TBPL1: variants seen among roughly 807,000 people sequenced by gnomAD.
The protein encoded by TBPL1 is TATA box-binding protein-like 1.
A neutral mutation model predicts 22.1 loss-of-function variants in TBPL1; 4 were observed. The observed-to-expected ratio is 0.18, with a 90% CI of 0.09 to 0.41. The LOEUF (loss-of-function observed/expected upper bound fraction) is 0.41. TBPL1 is among the 10% of genes least tolerant of loss of function. TBPL1 has a pLI of 1.00. For synonymous variants in TBPL1, 64 were observed against 71.0 expected, an observed-to-expected ratio of 0.90 and a Z score of 0.50; for missense variants, 115 against 222.3, an observed-to-expected ratio of 0.52 and a Z score of 3.07.
At chr6:133,968,208 C>T (rs1004175012) in intron 1 of TBPL1, among the ~76,000 whole-genome samples, 3 of 151,926 alleles carry the variant, frequency 2.0e-5, no homozygotes, top group African/African-American at 4.8e-5. Context: ...AGGATGATCT[C>T]GATCTCTTGA....
In TBPL1 at chr6:133,983,668, A is replaced by G. The variant is rs575735390; in HGVS notation, c.283-708A>G. On this transcript the variant is annotated intron_variant, in intron 4 of 6. Coordinates refer to ENST00000237264, the MANE Select transcript of TBPL1 (RefSeq NM_004865.4). The stretch of plus-strand genomic sequence containing the variant: ...TGGCTTTGCGCAACTGCTGTGTGCA[A>G]GGCTGAGTTGAAGGATAGTTCGCTC... 1.7e-4 allele frequency among the ~76,000 whole-genome samples: 26 copies of G among 152,318 alleles called. No individual in the cohort carries two copies. In the South Asian group the frequency reaches 5.0e-3, roughly 29 times the overall value.
rs555967197 is a variant in TBPL1 at position 133,984,367 on chromosome 6, C to G, written c.283-9C>G. On this transcript the variant is annotated splice_polypyrimidine_tract_variant and intron_variant, in intron 4 of 6. Coordinates refer to ENST00000237264, the MANE Select transcript of TBPL1 (RefSeq NM_004865.4). Reference sequence around the variant, plus strand: ...AATAAATTTATTGAATTTTACTTCTCTCCTAAAGGTAATATTTACAGATTT... The same window carrying G: ...AATAAATTTATTGAATTTTACTTCTGTCCTAAAGGTAATATTTACAGATTT... 1 of 1,587,216 alleles carries G rather than the reference C, an allele frequency of 6.3e-7. No homozygotes were observed. The highest frequency in any genetic ancestry group is 1.1e-5 in the South Asian group (1 of 88,184).
chr6:133,954,722 G>C (rs908978356), intron 1 of TBPL1, among the ~76,000 whole-genome samples: 1 of 152,164 alleles, frequency 6.6e-6, no homozygotes, highest in Non-Finnish European at 1.5e-5. Context: ...GCTTCTGTTT[G>C]TTCCCCACCC....
chr6:133,962,421 A>G (rs1776040268), intron 1 of TBPL1, among the ~76,000 whole-genome samples: 1 of 152,234 alleles, frequency 6.6e-6, no homozygotes, highest in African/African-American at 2.4e-5. Flanking sequence ...AAGAAGCTAG[A>G]TTAAAAGTTA....
Position 133,989,839 on chromosome 6 carries a change from G to A in TBPL1, c.*2799G>A, listed in dbSNP as rs1195250537. 6.6e-6 allele frequency: 1 copy of A among 152,146 alleles called. No individual in the cohort carries two copies. Among genetic ancestry groups the A allele is most frequent in the Non-Finnish European group, 1.5e-5 (1 of 68,008 alleles). The allele number at this position is 152,146 out of a possible 1,614,324, so 9.4% of individuals were successfully genotyped here. A position where few individuals can be genotyped will look rare whatever the true frequency, so the allele number is the denominator to read the frequency against. ...CCAAGCTAAATAAAAAGGAGCTTTG[G>A]CTCTTAGGATTCTCTTTTCTTCAGG... On this transcript the variant is annotated 3_prime_UTR_variant, in exon 7 of 7. Coordinates refer to ENST00000237264, the MANE Select transcript of TBPL1 (RefSeq NM_004865.4).
At chr6:133,985,302 A>AAAAAAC (rs1776496405) in intron 6 of TBPL1, among the ~76,000 whole-genome samples, 2 of 42,254 alleles carry the variant, frequency 4.7e-5, no homozygotes, top group Non-Finnish European at 8.9e-5. Flanking sequence ...AAAAAAATAT[A>AAAAAAC]TATATATATA....
chr6:133,983,168 C>T (rs576587472), intron 4 of TBPL1, among the ~76,000 whole-genome samples: 6 of 152,260 alleles, frequency 3.9e-5, no homozygotes, highest in South Asian at 2.1e-4. Context: ...TCACCTCTGA[C>T]GTACACAAAC....
At chr6:133,969,042 C>T (rs1252933970) in intron 1 of TBPL1, 2 of 152,246 alleles carry the variant, frequency 1.3e-5, no homozygotes, top group East Asian at 3.9e-4. Context: ...ACTGTTTAAA[C>T]ATTATTAAGA....
At chr6:133,980,901 C>T (rs547763439) in intron 2 of TBPL1, among the ~76,000 whole-genome samples, 52 of 150,712 alleles carry the variant, frequency 3.5e-4, no homozygotes, top group Non-Finnish European at 5.6e-4. Context: ...TATCTCAAGG[C>T]TCTATTTAGC....
At chr6:133,984,323 T>G (rs889295828) in intron 4 of TBPL1, 53 bp from the exon 5 acceptor site, 1 of 1,402,700 alleles carries the variant, frequency 7.1e-7, no homozygotes, top group Middle Eastern at 2.5e-4. Context: ...TGAGCAGATT[T>G]TTTGTTTGTT....
At position 133,987,818 on chromosome 6, in the gene TBPL1, A is replaced by G. The variant is rs1756733039; in HGVS notation, c.*778A>G. The G allele has an allele frequency of 1.3e-5, 2 of 152,554 alleles. No homozygotes were observed. The allele number at this position is 152,554 out of a possible 1,614,324, so 9.5% of individuals were successfully genotyped here. A position where few individuals can be genotyped will look rare whatever the true frequency, so the allele number is the denominator to read the frequency against. On this transcript the variant is annotated 3_prime_UTR_variant, in exon 7 of 7. Transcript: ENST00000237264. ...ATAAAGGATAATGTTTTATGTTGCT[A>G]ATTTAATATGATAGAAAATGTTAAA... is the stretch of plus-strand genomic sequence containing the variant.
Position 133,990,224 on chromosome 6 carries a change from G to A in TBPL1, c.*3184G>A, listed in dbSNP as rs1274896333. The A allele has an allele frequency of 6.6e-6, 1 of 152,652 alleles. No homozygotes were observed. The highest frequency in any genetic ancestry group is 2.4e-5 in the African/African-American group (1 of 41,462). 9.5% of individuals were successfully genotyped at this position (152,652 alleles called of 1,614,324 possible). A position where few individuals can be genotyped will look rare whatever the true frequency, so the allele number is the denominator to read the frequency against. On this transcript the variant is annotated 3_prime_UTR_variant, in exon 7 of 7. Transcript: ENST00000237264. Reference sequence around the variant, plus strand: ...CCTGTGTACCGTAACCTGAGGTAGTGATATTCCTGAGGAGTGTGAAGAATT... The same window carrying A: ...CCTGTGTACCGTAACCTGAGGTAGTAATATTCCTGAGGAGTGTGAAGAATT...
intron 1 of TBPL1, among the ~76,000 whole-genome samples, chr6:133,961,419 T>G (rs1305576563): frequency 6.6e-6 from 1 of 151,922 alleles, no homozygotes; most frequent in Non-Finnish European, 1.5e-5. Flanking sequence ...TTCATATGGC[T>G]GGCTACTTCT....
intron 1 of TBPL1, among the ~76,000 whole-genome samples, chr6:133,970,382 T>G (rs1776197826): frequency 6.6e-6 from 1 of 152,190 alleles, no homozygotes; most frequent in Non-Finnish European, 1.5e-5. Context: ...TATTACTCTC[T>G]TTGGTCTGGA....
At chr6:133,962,633 T>C (rs955476508) in intron 1 of TBPL1, among the ~76,000 whole-genome samples, 3 of 152,218 alleles carry the variant, frequency 2.0e-5, no homozygotes, top group African/African-American at 7.2e-5. Flanking sequence ...TGGATTCAGA[T>C]ATCTGATAGG....
At chr6:133,961,538 G>A (rs1327725235) in intron 1 of TBPL1, among the ~76,000 whole-genome samples, 5 of 146,396 alleles carry the variant, frequency 3.4e-5, no homozygotes, top group African/African-American at 1.3e-4. Context: ...GTGCAATCTC[G>A]GCTCATTGCA....
chr6:133,952,938 A>T (rs1775858008), upstream of TBPL1, among the ~76,000 whole-genome samples: 1 of 152,196 alleles, frequency 6.6e-6, no homozygotes, highest in Admixed American at 6.5e-5. This position sits in a 1 kb window ranked among gnomAD's most constrained non-coding sequence, Gnocchi z 4.5. Context: ...AGCGGTTCTT[A>T]AACAAAAAAG....
In TBPL1 at chr6:133,979,671, G is replaced by A. The variant is rs371217077; in HGVS notation, c.-44-411G>A. On this transcript the variant is annotated intron_variant, in intron 1 of 6. Transcript: ENST00000237264. The stretch of plus-strand genomic sequence containing the variant: ...ATGATTTGGTTTGTTTGTTTTGACA[G>A]AGTCTCACTCTGTCTCACAGGCTGG... Among the ~76,000 whole-genome samples, 11 of 152,264 alleles carry A rather than the reference G, an allele frequency of 7.2e-5. No individual in the cohort carries two copies. The South Asian group carries it at 1.5e-3, about 20-fold the overall frequency.
At chr6:133,954,166 A>G (rs769125311) in intron 1 of TBPL1, among the ~76,000 whole-genome samples, 5 of 152,208 alleles carry the variant, frequency 3.3e-5, no homozygotes, top group African/African-American at 1.2e-4. Context: ...GCTCATTGCA[A>G]TAAGACTCAA....
Sources: allele counts gnomAD v4.1 joint callset (sites outside exome capture counted in the v4.1 genomes callset), GRCh38; gene constraint gnomAD v4.1.1; non-coding constraint Gnocchi (gnomAD v3.1); transcripts MANE v1.5; gene names NCBI Gene and HGNC (gene_info 2026-07-23, HGNC 2026-07-21).